Variants in STRBP observed in about 807,000 individuals in gnomAD.
STRBP encodes the protein spermatid perinuclear RNA binding protein, also known as spermatid perinuclear RNA-binding protein.
A neutral mutation model predicts 80.1 loss-of-function variants in STRBP; 13 were observed. The ratio of observed to expected loss-of-function variants is 0.16; its 90% CI spans 0.11 to 0.26. The LOEUF (loss-of-function observed/expected upper bound fraction) is 0.26. STRBP is among the 10% of genes least tolerant of loss of function. The pLI is 1.00. For missense variants in STRBP, 485 were observed against 815.2 expected, an observed-to-expected ratio of 0.59 and a Z score of 4.93; for synonymous variants, 284 against 291.2, an observed-to-expected ratio of 0.98 and a Z score of 0.25.
rs79240757 is a variant in STRBP at position 123,115,861 on chromosome 9, G to C, written c.*84+68C>G. On this transcript the variant is annotated intron_variant and NMD_transcript_variant, in intron 3 of 3. Coordinates refer to the STRBP transcript ENST00000471564. This position sits in a 1 kb window ranked among gnomAD's most constrained non-coding sequence, Gnocchi z 5.0. ...TATTTTAGCTCAAATTGCCCCACTGGCTTCCCATAATTGTCTTTCACCCTT... is the reference window on the plus strand; with the variant it reads ...TATTTTAGCTCAAATTGCCCCACTGCCTTCCCATAATTGTCTTTCACCCTT... 8.1e-4 allele frequency: 294 copies of C among 362,324 alleles called. No homozygotes were observed. Among genetic ancestry groups the C allele is most frequent in the African/African-American group, 5.4e-3 (254 of 47,002 alleles). The allele number at this position is 362,324 out of a possible 1,614,324, so 22.4% of individuals were successfully genotyped here.
chr9:123,147,696 A>C lies in STRBP; in HGVS notation c.1138+82T>G, dbSNP rs1002927141. 853 of 1,158,494 alleles carry C rather than the reference A, an allele frequency of 7.4e-4. 5 individuals are homozygous for C. The East Asian group carries it at 0.022, about 30-fold the overall frequency. 71.8% of individuals were successfully genotyped at this position (1,158,494 alleles called of 1,614,324 possible). A position where few individuals can be genotyped will look rare whatever the true frequency, so the allele number is the denominator to read the frequency against. ...CGATCTCAAAAAAAAAAAAAAAAAA[A>C]AAACCCTTCACTTTTAATTTTTCTA... On this transcript the variant is annotated intron_variant, in intron 12 of 18. Coordinates refer to ENST00000348403, the MANE Select transcript of STRBP (RefSeq NM_018387.5).
intron 6 of STRBP, among the ~76,000 whole-genome samples, chr9:123,168,779 G>A (rs2037880245): frequency 6.6e-6 from 1 of 152,196 alleles, no homozygotes; most frequent in African/African-American, 2.4e-5. Context: ...CACCTGGCAA[G>A]TTTCTAGGGA....
At position 123,159,090 on chromosome 9, in the gene STRBP, C is replaced by G. The variant is rs967698397; in HGVS notation, c.835+6G>C. 4 of 1,608,626 alleles carry G rather than the reference C, an allele frequency of 2.5e-6. No individual in the cohort carries two copies. In the African/African-American group the frequency reaches 4.0e-5, roughly 16 times the overall value. On this transcript the variant is annotated splice_donor_region_variant and intron_variant, in intron 9 of 18. Coordinates refer to ENST00000348403, the MANE Select transcript of STRBP (RefSeq NM_018387.5). ...TTGTTCTGCTTCCAGAGTTTGAAAC[C>G]CTTACCAGGAAGTAGTATTCCAGAT...
intron 2 of STRBP, among the ~76,000 whole-genome samples, chr9:123,186,521 T>C (rs958394651): frequency 3.3e-5 from 5 of 152,222 alleles, no homozygotes; most frequent in South Asian, 2.1e-4. Flanking sequence ...CAGAGTATGA[T>C]AGCATAGTGC....
intron 1 of STRBP, among the ~76,000 whole-genome samples, chr9:123,257,066 C>T (rs2041048841): frequency 1.3e-5 from 2 of 152,112 alleles, no homozygotes; most frequent in Non-Finnish European, 2.9e-5. Context: ...CAGAGTAAGG[C>T]TTGAATTCCT....
intron 5 of STRBP, among the ~76,000 whole-genome samples, chr9:123,171,948 C>T (rs1331774915): frequency 1.3e-5 from 2 of 152,138 alleles, no homozygotes. Flanking sequence ...AACTGCGATG[C>T]TCATAAATAA....
intron 2 of STRBP, among the ~76,000 whole-genome samples, chr9:123,233,949 C>T (rs2040469203): frequency 6.6e-6 from 1 of 152,102 alleles, no homozygotes; most frequent in African/African-American, 2.4e-5. Flanking sequence ...GCCTGTAATA[C>T]CAGCACTTTG....
chr9:123,232,387 A>G (rs1050888991), intron 2 of STRBP, among the ~76,000 whole-genome samples: 1 of 152,172 alleles, frequency 6.6e-6, no homozygotes, highest in Non-Finnish European at 1.5e-5. Context: ...ATCTATTTCT[A>G]TAGCCTGTTC....
chr9:123,147,735 G>C, intron 12 of STRBP, 43 bp downstream of exon 12: 1 of 1,115,616 alleles, frequency 9.0e-7, no homozygotes, highest in Non-Finnish European at 1.3e-6. Flanking sequence ...GAAGCTACAA[G>C]TCCTCTCTAG....
intron 6 of STRBP, among the ~76,000 whole-genome samples, chr9:123,167,112 C>CT (rs926505286): frequency 1.8e-4 from 27 of 149,214 alleles, no homozygotes; most frequent in East Asian, 5.9e-4. Flanking sequence ...CTCAACCACT[C>CT]TTTTTTTTTT....
intron 3 of STRBP, chr9:123,111,861 CGA>C (rs1247945100): frequency 4.2e-6 from 1 of 237,804 alleles, no homozygotes; most frequent in Admixed American, 6.3e-5. Flanking sequence ...CAGCAAAATC[CGA>C]GAGGCACTTC....
intron 2 of STRBP, among the ~76,000 whole-genome samples, chr9:123,186,281 G>A (rs754932875): frequency 1.6e-4 from 24 of 152,190 alleles, no homozygotes; most frequent in Non-Finnish European, 2.9e-4. Context: ...CCAGTAGGGT[G>A]GGGCTGCAGT....
At chr9:123,238,845 C>T (rs1262768722) in intron 1 of STRBP, among the ~76,000 whole-genome samples, 1 of 151,950 alleles carries the variant, frequency 6.6e-6, no homozygotes, top group Non-Finnish European at 1.5e-5. Context: ...AAAACATTTC[C>T]ATATTTTTAA....
intron 2 of STRBP, among the ~76,000 whole-genome samples, chr9:123,227,405 G>C (rs2040269298): frequency 6.6e-6 from 1 of 152,108 alleles, no homozygotes; most frequent in African/African-American, 2.4e-5. Flanking sequence ...AATGCAGTAA[G>C]CCAAAGGATA....
intron 2 of STRBP, among the ~76,000 whole-genome samples, chr9:123,204,793 G>A (rs187788348): frequency 1.3e-4 from 19 of 151,672 alleles, no homozygotes; most frequent in Admixed American, 2.0e-4. Flanking sequence ...GCATGGTGGC[G>A]GATGCCTGTA....
chr9:123,250,935 G>A (rs765864327), intron 1 of STRBP, among the ~76,000 whole-genome samples: 27 of 152,038 alleles, frequency 1.8e-4, no homozygotes, highest in African/African-American at 4.6e-4. Context: ...GTGACAAAAC[G>A]AGACCCCATT....
rs1053500617 is a variant in STRBP, at chr9:123,252,870, C to T, written c.-302+15566G>A. On this transcript the variant is annotated intron_variant, in intron 1 of 18. Transcript: ENST00000348403. Reference sequence around the variant, plus strand: ...ATTACTGAAGGGAAGTAACATGATTCGGGCCAAAACACAGTAGAAAAGTGA... The same window carrying T: ...ATTACTGAAGGGAAGTAACATGATTTGGGCCAAAACACAGTAGAAAAGTGA... Among the ~76,000 whole-genome samples the T allele has an allele frequency of 3.3e-5, 5 of 152,138 alleles. No individual in the cohort carries two copies. In the East Asian group the frequency reaches 5.8e-4, roughly 18 times the overall value.
At chr9:123,209,958 A>G (rs1226843029) in intron 2 of STRBP, among the ~76,000 whole-genome samples, 4 of 152,224 alleles carry the variant, frequency 2.6e-5, no homozygotes. Flanking sequence ...GGGAAAAGTC[A>G]TGGTAGCAGA....
At chr9:123,261,121 A>T (rs1455711540) in intron 1 of STRBP, among the ~76,000 whole-genome samples, 1 of 152,188 alleles carries the variant, frequency 6.6e-6, no homozygotes, top group Non-Finnish European at 1.5e-5. Context: ...CTAATACAGC[A>T]ATTAAGGTTG....
Sources: gnomAD v4.1 joint callset for allele counts (sites outside exome capture counted in the v4.1 genomes callset) on GRCh38, gnomAD v4.1.1 for gene constraint, Gnocchi (gnomAD v3.1) non-coding constraint, MANE v1.5 for transcripts, NCBI Gene and HGNC (gene_info 2026-07-23, HGNC 2026-07-21) for gene names.